Variants in SLC39A12 observed in about 807,000 individuals in gnomAD.
SLC39A12 encodes zinc transporter ZIP12.
SLC39A12 carries 63 observed loss-of-function variants against 71.1 expected under a neutral mutation model. That is an observed-to-expected ratio of 0.89 (90% CI 0.72 to 1.09). The LOEUF (loss-of-function observed/expected upper bound fraction) is 1.09. Ranked by LOEUF, SLC39A12 falls within the 50% of genes least tolerant of loss-of-function variation. SLC39A12 has a pLI of 0.00. For synonymous variants in SLC39A12, 351 were observed against 301.3 expected, an observed-to-expected ratio of 1.16 and a Z score of -1.71; for missense variants, 892 against 812.6, an observed-to-expected ratio of 1.10 and a Z score of -1.19.
chr10:17,966,851 G>A (rs112899781), intron 4 of SLC39A12, among the ~76,000 whole-genome samples: 6 of 151,964 alleles, frequency 3.9e-5, no homozygotes, highest in African/African-American at 1.4e-4. Context: ...GCGTGTGCCT[G>A]TAGTCCCAGC....
At chr10:18,042,255 G>A (rs1402647745) in intron 12 of SLC39A12, among the ~76,000 whole-genome samples, 5 of 152,018 alleles carry the variant, frequency 3.3e-5, no homozygotes, top group African/African-American at 1.2e-4. Context: ...CAACATGCAG[G>A]TTGCTTGAGC....
At position 17,996,315 on chromosome 10, in the gene SLC39A12, TTA is replaced by T. The variant is rs551226307; in HGVS notation, c.1600+595_1600+596del. On this transcript the variant is annotated intron_variant, in intron 10 of 12. Coordinates refer to ENST00000377369, the MANE Select transcript of SLC39A12 (RefSeq NM_001145195.2). ...TGGATAGAACTTTATTAACCTGTGCTTATGTTTCTGAATAATTCTTGAAAGTT... is the reference window on the plus strand; with the variant it reads ...TGGATAGAACTTTATTAACCTGTGCTTGTTTCTGAATAATTCTTGAAAGTT... Among the ~76,000 whole-genome samples the T allele has an allele frequency of 2.0e-4, 30 of 152,372 alleles. No homozygotes were observed. The South Asian group carries it at 6.0e-3, about 30-fold the overall frequency.
intron 11 of SLC39A12, among the ~76,000 whole-genome samples, chr10:18,001,563 A>C (rs1408710987): frequency 6.6e-6 from 1 of 152,154 alleles, no homozygotes; most frequent in Non-Finnish European, 1.5e-5. Flanking sequence ...GGTTTCATCA[A>C]CCTGACTTAT....
chr10:18,012,730 G>T (rs1836261911), intron 12 of SLC39A12, among the ~76,000 whole-genome samples: 1 of 152,068 alleles, frequency 6.6e-6, no homozygotes, highest in South Asian at 2.1e-4. Context: ...AGCCCGGCGT[G>T]GTGGCGCACA....
At position 18,036,794 on chromosome 10, in the gene SLC39A12, A is replaced by AT. The variant is rs746691202; in HGVS notation, c.1948-5900dup. 2.1e-3 allele frequency among the ~76,000 whole-genome samples: 192 copies of AT among 92,826 alleles called. 5 individuals are homozygous for AT. Among genetic ancestry groups the AT allele is most frequent in the Non-Finnish European group, 2.7e-3 (142 of 51,898 alleles). The allele number at this position is 92,826 out of a possible 152,430, so 60.9% of individuals were successfully genotyped here. ...TATATATATATATATATATATATAT[A>AT]TTTTTTTTTTTAATGGAATCTCACT... is the stretch of plus-strand genomic sequence containing the variant. On this transcript the variant is annotated intron_variant, in intron 12 of 12. Transcript: ENST00000377369.
intron 12 of SLC39A12, among the ~76,000 whole-genome samples, chr10:18,030,518 C>T (rs1255468589): frequency 1.3e-5 from 2 of 151,976 alleles, no homozygotes; most frequent in Admixed American, 6.6e-5. Context: ...GGATTACAGG[C>T]GTGAGCCACC....
intron 4 of SLC39A12, among the ~76,000 whole-genome samples, chr10:17,968,127 A>G (rs530572894): frequency 7.6e-6 from 1 of 131,550 alleles, no homozygotes; most frequent in South Asian, 2.4e-4. Flanking sequence ...AACCTGCTTC[A>G]TGATTATTTT....
intron 12 of SLC39A12, among the ~76,000 whole-genome samples, chr10:18,012,748 T>A (rs2130863454): frequency 6.6e-6 from 1 of 151,252 alleles, no homozygotes; most frequent in South Asian, 2.1e-4. Flanking sequence ...ACACCTGTAG[T>A]CCAGCTACTC....
At chr10:18,002,386 A>C (rs113540196) in intron 11 of SLC39A12, 1 of 152,180 alleles carries the variant, frequency 6.6e-6, no homozygotes. Flanking sequence ...GCCATCCCCT[A>C]TCTGTGGTCC....
intron 11 of SLC39A12, chr10:18,001,749 A>G (rs1259423222): frequency 1.3e-5 from 2 of 152,162 alleles, no homozygotes; most frequent in Non-Finnish European, 2.9e-5. Context: ...TGATACAGGT[A>G]TGTAATGCGT....
At chr10:18,034,429 G>T (rs1002131438) in intron 12 of SLC39A12, among the ~76,000 whole-genome samples, 3 of 152,172 alleles carry the variant, frequency 2.0e-5, no homozygotes, top group African/African-American at 7.2e-5. Flanking sequence ...TTTGATCTTT[G>T]CTGGTTTAAA....
At chr10:17,959,193 C>T (rs1834625175) in intron 2 of SLC39A12, among the ~76,000 whole-genome samples, 1 of 151,822 alleles carries the variant, frequency 6.6e-6, no homozygotes, top group Non-Finnish European at 1.5e-5. Flanking sequence ...GTCTTGGTGT[C>T]AGCCTTGCCA....
intron 12 of SLC39A12, among the ~76,000 whole-genome samples, chr10:18,018,761 T>A (rs1468248632): frequency 6.6e-6 from 1 of 152,168 alleles, no homozygotes; most frequent in Non-Finnish European, 1.5e-5. Context: ...CTTTTGTACA[T>A]TGTTGGTTTT....
rs117332956 is a variant in SLC39A12 at position 17,953,978 on chromosome 10, A to G, written c.261+441A>G. On this transcript the variant is annotated intron_variant, in intron 2 of 12. Coordinates refer to ENST00000377369, the MANE Select transcript of SLC39A12 (RefSeq NM_001145195.2). ...TTTTCCTGGCATGGTATTTTCTAATATTATGCATGGCGGGTAGTTAATGAT... is the reference window on the plus strand; with the variant it reads ...TTTTCCTGGCATGGTATTTTCTAATGTTATGCATGGCGGGTAGTTAATGAT... Among the ~76,000 whole-genome samples, 432 of 152,288 alleles carry G rather than the reference A, an allele frequency of 2.8e-3. 3 individuals are homozygous for G. Among genetic ancestry groups the G allele is most frequent in the Non-Finnish European group, 5.0e-3 (340 of 68,028 alleles).
intron 4 of SLC39A12, among the ~76,000 whole-genome samples, chr10:17,968,005 T>C (rs114850846): frequency 0.014 from 2,059 of 151,356 alleles, 41 homozygotes; most frequent in African/African-American, 0.043. Flanking sequence ...AACTATGGCT[T>C]TCTTAAATGA....
At chr10:17,977,171 A>T (rs149045312) in intron 4 of SLC39A12, among the ~76,000 whole-genome samples, 6 of 152,062 alleles carry the variant, frequency 3.9e-5, no homozygotes, top group Non-Finnish European at 7.4e-5. Context: ...AGATTTCCTT[A>T]TTAAAAATTG....
intron 12 of SLC39A12, among the ~76,000 whole-genome samples, chr10:18,025,326 G>A (rs1836646943): frequency 6.6e-6 from 1 of 152,022 alleles, no homozygotes; most frequent in Non-Finnish European, 1.5e-5. Context: ...TTGGTGTGCT[G>A]CACCCAGTAA....
intron 12 of SLC39A12, among the ~76,000 whole-genome samples, chr10:18,026,261 T>C (rs1836673736): frequency 6.6e-6 from 1 of 152,164 alleles, no homozygotes; most frequent in South Asian, 2.1e-4. Flanking sequence ...AAATTCCCTC[T>C]ATTTTTGTTT....
chr10:17,970,785 C>T (rs977411495), intron 4 of SLC39A12, among the ~76,000 whole-genome samples: 5 of 151,544 alleles, frequency 3.3e-5, no homozygotes, highest in Non-Finnish European at 7.4e-5. Flanking sequence ...AATTTGGATG[C>T]CCTTTATTTC....
Sources: gnomAD v4.1 joint callset for allele counts (sites outside exome capture counted in the v4.1 genomes callset) on GRCh38, gnomAD v4.1.1 for gene constraint, MANE v1.5 for transcripts, NCBI Gene and HGNC (gene_info 2026-07-23, HGNC 2026-07-21) for gene names.